The following PDGFRL variants were observed in gnomAD, a reference collection of about 807,000 sequenced individuals.
The protein encoded by PDGFRL is platelet-derived growth factor receptor-like protein.
A neutral mutation model predicts 37.2 loss-of-function variants in PDGFRL; 46 were observed. That is an observed-to-expected ratio of 1.24 (90% CI 0.98 to 1.58). The LOEUF is 1.58. Ranked by LOEUF, PDGFRL falls within the 40% of genes most tolerant of loss-of-function variation. The pLI, the probability that PDGFRL is intolerant of heterozygous loss-of-function variation, is 0.00. For synonymous variants in PDGFRL, 251 were observed against 184.3 expected (o/e 1.36, Z -2.93); for missense variants, 692 against 467.6 (o/e 1.48, Z -4.43).
intron 2 of PDGFRL, among the ~76,000 whole-genome samples, chr8:17,596,954 G>A (rs1487668511): frequency 6.6e-6 from 1 of 152,138 alleles, no homozygotes; most frequent in Non-Finnish European, 1.5e-5. Context: ...TTCTTTCCAG[G>A]GCTATGACAG....
At chr8:17,601,587 G>A (rs1046539683) in intron 2 of PDGFRL, among the ~76,000 whole-genome samples, 7 of 152,038 alleles carry the variant, frequency 4.6e-5, no homozygotes, top group Admixed American at 1.3e-4. Context: ...CTTAGTACCC[G>A]ATAGGTAGTT....
chr8:17,629,022 A>C (rs1289874001), intron 4 of PDGFRL, among the ~76,000 whole-genome samples: 2 of 148,742 alleles, frequency 1.3e-5, no homozygotes, highest in African/African-American at 2.5e-5. Context: ...GGCTCAAGCA[A>C]CCCTCCCTCC....
chr8:17,589,139 A>G (rs1477122588), intron 1 of PDGFRL, among the ~76,000 whole-genome samples: 3 of 152,278 alleles, frequency 2.0e-5, no homozygotes, highest in South Asian at 4.1e-4. Flanking sequence ...GCACTTTGGG[A>G]GGCCAAGGCA....
chr8:17,610,857 G>T (rs933025673), intron 2 of PDGFRL, among the ~76,000 whole-genome samples: 2 of 151,332 alleles, frequency 1.3e-5, no homozygotes, highest in African/African-American at 4.9e-5. Flanking sequence ...GTTGCAGTGA[G>T]CCGAGATCAC....
chr8:17,595,430 T>G (rs1257396231), intron 2 of PDGFRL, among the ~76,000 whole-genome samples: 2 of 152,178 alleles, frequency 1.3e-5, no homozygotes, highest in Non-Finnish European at 2.9e-5. Flanking sequence ...ATGCCCCACC[T>G]AGGTAGCCGC....
At chr8:17,597,522 T>C (rs1804079639) in intron 2 of PDGFRL, among the ~76,000 whole-genome samples, 1 of 147,998 alleles carries the variant, frequency 6.8e-6, no homozygotes, top group African/African-American at 2.5e-5. Flanking sequence ...GGAAGTAAAA[T>C]GCCCAAGTAG....
chr8:17,579,787 A>G (rs1803668260), intron 1 of PDGFRL, among the ~76,000 whole-genome samples: 1 of 151,984 alleles, frequency 6.6e-6, no homozygotes, highest in Non-Finnish European at 1.5e-5. Context: ...AATGCTTTAA[A>G]TTTTTGGAAG....
intron 4 of PDGFRL, 142 bp from the exon 5 acceptor site, chr8:17,633,932 C>G: frequency 1.2e-6 from 1 of 848,740 alleles, no homozygotes; most frequent in South Asian, 1.5e-5. Flanking sequence ...AAGTTGTGGG[C>G]TCACACTGTC....
At chr8:17,578,372 A>C (rs922101482) in intron 1 of PDGFRL, among the ~76,000 whole-genome samples, 11 of 152,216 alleles carry the variant, frequency 7.2e-5, no homozygotes, top group African/African-American at 2.4e-4. Flanking sequence ...AAAATACCGC[A>C]TTGTAGTTTG....
chr8:17,623,163 T>G (rs1466896568), intron 3 of PDGFRL, among the ~76,000 whole-genome samples: 2 of 152,216 alleles, frequency 1.3e-5, no homozygotes, highest in African/African-American at 4.8e-5. Context: ...GGACCTGTAG[T>G]GGCACAATAA....
At chr8:17,598,858 A>G (rs2517165) in intron 2 of PDGFRL, among the ~76,000 whole-genome samples, 97,921 of 152,026 alleles carry the variant, frequency 0.64, 32,356 homozygotes, top group East Asian at 0.84. Context: ...GGGGAAACCC[A>G]TTTCTCTTGG....
chr8:17,611,452 A>G (rs1804409833), intron 2 of PDGFRL, among the ~76,000 whole-genome samples: 1 of 152,162 alleles, frequency 6.6e-6, no homozygotes, highest in Non-Finnish European at 1.5e-5. Flanking sequence ...CATGCTCTTA[A>G]CCGCCCTTTT....
At chr8:17,605,439 C>T (rs547835365) in intron 2 of PDGFRL, among the ~76,000 whole-genome samples, 170 of 152,286 alleles carry the variant, frequency 1.1e-3, no homozygotes, top group African/African-American at 4.0e-3. Context: ...ATCTGAATAA[C>T]CCCTGCTGGG....
In PDGFRL at chr8:17,595,280, T is replaced by G. The variant is rs188646645; in HGVS notation, c.353+5515T>G. 4.6e-5 allele frequency among the ~76,000 whole-genome samples: 7 copies of G among 152,016 alleles called. No homozygotes were observed. The East Asian group carries it at 1.2e-3, about 25-fold the overall frequency. ...TCCCTGCCCACCATCCCCTCAACCA[T>G]TAGCCTGGCGTTCAAAGCCTTTCCA... On this transcript the variant is annotated intron_variant, in intron 2 of 5. Transcript: ENST00000251630.
chr8:17,609,773 G>C (rs4921786), intron 2 of PDGFRL, among the ~76,000 whole-genome samples: 1 of 151,358 alleles, frequency 6.6e-6, no homozygotes, highest in Non-Finnish European at 1.5e-5. Flanking sequence ...AAAGTGACTA[G>C]ATTGAGCCAC....
At chr8:17,637,087 G>C (rs577284955) in intron 5 of PDGFRL, among the ~76,000 whole-genome samples, 4 of 152,050 alleles carry the variant, frequency 2.6e-5, no homozygotes, top group Non-Finnish European at 5.9e-5. Context: ...TCGCTTTATT[G>C]ATTTGGATGC....
intron 2 of PDGFRL, among the ~76,000 whole-genome samples, chr8:17,592,916 GCACACACACACACACACACA>G (rs140137425): frequency 4.4e-4 from 13 of 29,584 alleles, no homozygotes; most frequent in African/African-American, 5.1e-4. Flanking sequence ...CCACATACAT[GCACACACACACACACACACA>G]CACACACACA....
intron 2 of PDGFRL, among the ~76,000 whole-genome samples, chr8:17,601,454 TG>T (rs1426587329): frequency 1.4e-5 from 2 of 140,588 alleles, no homozygotes. Flanking sequence ...CCCCCGTTTT[TG>T]TTTTTTTTTT....
rs371597545 is a variant in PDGFRL, at chr8:17,577,321, G to A, written c.55+14G>A. 8.7e-6 allele frequency: 14 copies of A among 1,608,904 alleles called. No homozygotes were observed. The highest frequency in any genetic ancestry group is 1.2e-5 in the Non-Finnish European group (14 of 1,176,916). ...CGCTGGAGGATGGTGAGTGACTCTG[G>A]GCGCGGGGCCACCTAGCTTGTGCCC... On this transcript the variant is annotated intron_variant, in intron 1 of 5. Coordinates refer to ENST00000251630, the MANE Select transcript of PDGFRL (RefSeq NM_001372073.1).
Sources: gnomAD v4.1 joint callset for allele counts (sites outside exome capture counted in the v4.1 genomes callset) on GRCh38, gnomAD v4.1.1 for gene constraint, MANE v1.5 for transcripts, NCBI Gene and HGNC (gene_info 2026-07-23, HGNC 2026-07-21) for gene names.